SPC25: variants seen among roughly 807,000 people sequenced by gnomAD.
SPC25 encodes the protein SPC25 component of NDC80 kinetochore complex, also known as kinetochore protein Spc25.
A neutral mutation model predicts 29.6 loss-of-function variants in SPC25; 22 were observed. The observed-to-expected ratio is 0.74, with a 90% CI of 0.53 to 1.06. SPC25 has a LOEUF of 1.06. SPC25 is among the 50% of genes least tolerant of loss of function. SPC25 has a pLI of 0.00. For synonymous variants in SPC25, 91 were observed against 90.4 expected, an observed-to-expected ratio of 1.01 and a Z score of -0.04; for missense variants, 230 against 255.8, an observed-to-expected ratio of 0.90 and a Z score of 0.69.
In SPC25 at chr2:168,877,312, C is replaced by G. The variant is rs746075839; in HGVS notation, c.272G>C (p.Gly91Ala). ...CAGTACTTCCAATTCCTGCTTTTTG[C>G]CTTTTACTTCAGCAATCAATTTTAA... ...NLLKLIAEVK[G>A]KKQELEVLTA... Residue 91 changes from glycine (G) to alanine (A), a missense_variant, in exon 4 of 7, where the codon GGC becomes GCC. Gly to Ala is a moderately conservative substitution (Grantham distance 60). Coordinates refer to ENST00000282074, the MANE Select transcript of SPC25 (RefSeq NM_020675.4). 6.2e-7 allele frequency: 1 copy of G among 1,613,726 alleles called. No individual in the cohort carries two copies. The highest frequency in any genetic ancestry group is 2.2e-5 in the East Asian group (1 of 44,828).
At position 168,875,038 on chromosome 2, in the gene SPC25, T is replaced by C. The variant is rs569002225; in HGVS notation, c.451+1034A>G. Among the ~76,000 whole-genome samples the C allele has an allele frequency of 3.3e-5, 5 of 152,318 alleles. No homozygotes were observed. In the South Asian group the frequency reaches 8.3e-4, roughly 25 times the overall value. ...ATACATTAGCGATGTACATGTGATA[T>C]ACATGCAACAGGCATCAAAATATTC... On this transcript the variant is annotated intron_variant, in intron 5 of 6. Coordinates refer to ENST00000282074, the MANE Select transcript of SPC25 (RefSeq NM_020675.4).
chr2:168,890,369 C>G lies in SPC25; in HGVS notation c.-66G>C. ...GCCTTCCCCACACCAGATCCGCGCC[C>G]ACTCTAGCCAACAGCCGGACTCTAG... On this transcript the variant is annotated 5_prime_UTR_variant, in exon 1 of 7. Transcript: ENST00000282074. 7.1e-6 allele frequency: 7 copies of G among 985,522 alleles called. No individual in the cohort carries two copies. Among genetic ancestry groups the G allele is most frequent in the Non-Finnish European group, 8.4e-6 (7 of 829,982 alleles). 61.0% of individuals were successfully genotyped at this position (985,522 alleles called of 1,614,324 possible). A position where few individuals can be genotyped will look rare whatever the true frequency, so the allele number is the denominator to read the frequency against.
intron 5 of SPC25, among the ~76,000 whole-genome samples, chr2:168,874,568 T>C (rs1690054386): frequency 6.6e-6 from 1 of 152,176 alleles, no homozygotes; most frequent in African/African-American, 2.4e-5. Flanking sequence ...TGCTGTGGTC[T>C]TTTTTATGAT....
At chr2:168,872,165 A>C (rs1194663264) in intron 6 of SPC25, among the ~76,000 whole-genome samples, 1 of 152,102 alleles carries the variant, frequency 6.6e-6, no homozygotes, top group Non-Finnish European at 1.5e-5. Context: ...GCAGGGTTTC[A>C]CCATGTTACC....
chr2:168,863,511 C>A (rs1574348609), intron 4 of SPC25: 1 of 985,302 alleles, frequency 1.0e-6, no homozygotes. Flanking sequence ...ACTTTTATGA[C>A]AAGAGCCATG....
downstream of SPC25, among the ~76,000 whole-genome samples, chr2:168,869,291 C>G (rs141494538): frequency 2.0e-4 from 31 of 151,986 alleles, no homozygotes; most frequent in Admixed American, 9.8e-4. Context: ...CTTTGAAAAC[C>G]GGCACAAGAC....
chr2:168,864,988 A>C (rs745407796), intron 4 of SPC25: 53 of 1,613,066 alleles, frequency 3.3e-5, no homozygotes, highest in Non-Finnish European at 4.2e-5. Flanking sequence ...CTCTGAACAT[A>C]CTACCTTCAC....
intron 3 of SPC25, among the ~76,000 whole-genome samples, chr2:168,879,093 G>C (rs1690133545): frequency 6.6e-6 from 1 of 152,184 alleles, no homozygotes; most frequent in South Asian, 2.1e-4. Flanking sequence ...TTTTGCAGGG[G>C]GAGGGTCTTG....
At chr2:168,874,110 C>A (rs1229811435) in intron 5 of SPC25, among the ~76,000 whole-genome samples, 1 of 152,036 alleles carries the variant, frequency 6.6e-6, no homozygotes, top group African/African-American at 2.4e-5. Flanking sequence ...ATAAAAATGG[C>A]CATTAAGTCC....
Position 168,861,853 on chromosome 2 carries a change from T to C in SPC25, n.419+11732A>G, listed in dbSNP as rs951037596. On this transcript the variant is annotated intron_variant and non_coding_transcript_variant, in intron 4 of 4. Transcript: ENST00000479309. ...TACAAACTTTCCTTTTGAGAAAAAT[T>C]TAATATATTGAAACTCTGCATCACA... The C allele has an allele frequency of 2.3e-5, 23 of 1,007,628 alleles. No homozygotes were observed. The African/African-American group carries it at 3.3e-4, about 14-fold the overall frequency. The allele number at this position is 1,007,628 out of a possible 1,614,324, so 62.4% of individuals were successfully genotyped here. A position where few individuals can be genotyped will look rare whatever the true frequency, so the allele number is the denominator to read the frequency against.
downstream of SPC25, among the ~76,000 whole-genome samples, chr2:168,866,129 G>A (rs1366590112): frequency 4.2e-4 from 64 of 152,330 alleles, no homozygotes; most frequent in African/African-American, 1.5e-3. Flanking sequence ...CTACTTTAAA[G>A]TTCATATGGA....
At chr2:168,868,081 G>C (rs1360759915), downstream of SPC25, among the ~76,000 whole-genome samples, 3 of 152,128 alleles carry the variant, frequency 2.0e-5, no homozygotes, top group East Asian at 5.8e-4. Context: ...CATGGAAACT[G>C]AACAACCTGC....
chr2:168,864,133 A>G (rs1362138847), intron 4 of SPC25, among the ~76,000 whole-genome samples: 1 of 151,752 alleles, frequency 6.6e-6, no homozygotes, highest in Non-Finnish European at 1.5e-5. Context: ...ATGCCTGGCT[A>G]ATTTTTGTAT....
downstream of SPC25, among the ~76,000 whole-genome samples, chr2:168,869,700 T>G (rs1256338318): frequency 6.6e-6 from 1 of 152,016 alleles, no homozygotes; most frequent in Non-Finnish European, 1.5e-5. Flanking sequence ...CTCAGTGAAA[T>G]AAAAGAGGAC....
intron 1 of SPC25, among the ~76,000 whole-genome samples, 196 bp from the exon 2 acceptor site, chr2:168,889,729 C>T (rs1017749874): frequency 1.3e-5 from 2 of 152,112 alleles, no homozygotes; most frequent in Non-Finnish European, 2.9e-5. Flanking sequence ...TTCAGGACAC[C>T]TTTACCTCCT....
chr2:168,884,042 T>C (rs1218330344), intron 3 of SPC25, among the ~76,000 whole-genome samples: 1 of 152,196 alleles, frequency 6.6e-6, no homozygotes, highest in Non-Finnish European at 1.5e-5. Flanking sequence ...TTGCTAGGAC[T>C]ACAGGTGTGA....
chr2:168,865,031 T>G, intron 4 of SPC25: 1 of 1,572,308 alleles, frequency 6.4e-7, no homozygotes, highest in Non-Finnish European at 8.7e-7. Flanking sequence ...GTGGTTCAAA[T>G]AAGAATAAAG....
At chr2:168,888,631 G>T (rs1314181016) in intron 3 of SPC25, among the ~76,000 whole-genome samples, 1 of 152,020 alleles carries the variant, frequency 6.6e-6, no homozygotes, top group African/African-American at 2.4e-5. Flanking sequence ...GTTAGTTGTG[G>T]AAGGTGGGAG....
chr2:168,879,859 A>G (rs1225001598), intron 3 of SPC25, among the ~76,000 whole-genome samples: 1 of 152,150 alleles, frequency 6.6e-6, no homozygotes, highest in Admixed American at 6.5e-5. Context: ...AAACAACACT[A>G]ATCTCCATCA....
Sources: allele counts gnomAD v4.1 joint callset (sites outside exome capture counted in the v4.1 genomes callset), GRCh38; gene constraint gnomAD v4.1.1; transcripts MANE v1.5; gene names NCBI Gene and HGNC (gene_info 2026-07-23, HGNC 2026-07-21).